The following IQSEC1 variants were observed in gnomAD, a reference collection of about 807,000 sequenced individuals.
IQSEC1 encodes the protein IQ motif and SEC7 domain-containing protein 1.
Under a neutral mutation model 91.0 loss-of-function variants are expected in IQSEC1, and 31 were observed. That is an observed-to-expected ratio of 0.34 (90% CI 0.26 to 0.46). The LOEUF is 0.46. IQSEC1 is among the 20% of genes least tolerant of loss of function. The pLI, the probability that IQSEC1 is intolerant of heterozygous loss-of-function variation, is 1.00. For synonymous variants in IQSEC1, 699 were observed against 662.6 expected (o/e 1.05, Z -0.84); for missense variants, 1,388 against 1,575.6 (o/e 0.88, Z 2.02).
chr3:12,911,539 C>T (rs1444605272), intron 10 of IQSEC1, 90 bp downstream of exon 10: 4 of 944,222 alleles, frequency 4.2e-6, no homozygotes, highest in African/African-American at 1.6e-5. Flanking sequence ...AGCGTCGAAG[C>T]CCCCCGCGGT....
intron 1 of IQSEC1, among the ~76,000 whole-genome samples, chr3:13,199,726 C>A (rs926408605): frequency 6.6e-6 from 1 of 152,130 alleles, no homozygotes; most frequent in Non-Finnish European, 1.5e-5. Context: ...GGACACCCTG[C>A]CCCCATCTGA....
chr3:13,216,928 G>A (rs1008020272), intron 1 of IQSEC1, among the ~76,000 whole-genome samples: 2 of 152,172 alleles, frequency 1.3e-5, no homozygotes, highest in African/African-American at 4.8e-5. Flanking sequence ...AATGGCATAG[G>A]ACACAGCATA....
intron 2 of IQSEC1, among the ~76,000 whole-genome samples, chr3:13,114,309 A>G (rs1426478810): frequency 1.3e-5 from 2 of 152,128 alleles, no homozygotes; most frequent in African/African-American, 4.8e-5. Flanking sequence ...ATGCCCAAGA[A>G]TTACAGGTGG....
At position 12,901,376 on chromosome 3, in the gene IQSEC1, G is replaced by T. The variant is rs1309930125; in HGVS notation, c.2952C>A (p.Ala984=). The part of the protein sequence containing the change: ...GSKRGKPPPQ[A]HLPSAPALPP... ...GCAGGGCTGGGGCTGAGGGCAGGTG[G>T]GCCTGGGGAGGGGGCTTCCCTCTCT... The change falls in exon 14 of 14, where the codon GCC becomes GCA. Residue 984 remains alanine (A), a synonymous_variant. Transcript: ENST00000613206. The T allele has an allele frequency of 6.5e-7, 1 of 1,539,740 alleles. No homozygotes were observed. Among genetic ancestry groups the T allele is most frequent in the Admixed American group, 2.0e-5 (1 of 50,856 alleles).
chr3:13,273,847 CCT>C (rs1695628572), intron 1 of IQSEC1, among the ~76,000 whole-genome samples: 1 of 152,180 alleles, frequency 6.6e-6, no homozygotes, highest in Admixed American at 6.5e-5. Context: ...TCGCCCCTGC[CCT>C]GTTTGCCTCC....
intron 12 of IQSEC1, among the ~76,000 whole-genome samples, chr3:12,903,888 G>A (rs570350663): frequency 6.6e-6 from 1 of 152,346 alleles, no homozygotes; most frequent in East Asian, 1.9e-4. Flanking sequence ...CCATATCAGA[G>A]AGAGGAACAC....
intron 1 of IQSEC1, among the ~76,000 whole-genome samples, chr3:13,276,222 G>A (rs1315222942): frequency 6.6e-6 from 1 of 151,128 alleles, no homozygotes; most frequent in African/African-American, 2.4e-5. Context: ...CCAAGTAGCT[G>A]GGACTACAGG....
chr3:13,272,456 C>T (rs1404473390), intron 1 of IQSEC1, among the ~76,000 whole-genome samples: 9 of 152,180 alleles, frequency 5.9e-5, no homozygotes, highest in Non-Finnish European at 1.3e-4. Flanking sequence ...CCTGCAGGAT[C>T]GTCTGGTGAA....
chr3:13,243,824 T>C (rs1695063908), intron 1 of IQSEC1, among the ~76,000 whole-genome samples: 1 of 152,086 alleles, frequency 6.6e-6, no homozygotes, highest in South Asian at 2.1e-4. Context: ...TGGGAAGCAG[T>C]GGAGAGCACT....
Position 12,992,463 on chromosome 3 carries a change from A to G in IQSEC1, c.24-50598T>C, listed in dbSNP as rs1051742998. Among the ~76,000 whole-genome samples the G allele has an allele frequency of 1.3e-5, 2 of 152,144 alleles. No individual in the cohort carries two copies. Among genetic ancestry groups the G allele is most frequent in the African/African-American group, 4.8e-5 (2 of 41,436 alleles). On this transcript the variant is annotated intron_variant, in intron 1 of 13. Transcript: ENST00000613206. This position sits in a 1 kb window ranked among gnomAD's most constrained non-coding sequence, Gnocchi z 4.1. ...CCTGGCCATCTTGCCAACTGTAATG[A>G]GGAGGTGGGCATCATACTGGGGGCA...
chr3:12,954,362 C>T (rs1699762890), intron 1 of IQSEC1, among the ~76,000 whole-genome samples: 1 of 152,200 alleles, frequency 6.6e-6, no homozygotes, highest in Non-Finnish European at 1.5e-5. Context: ...GCTTCAGGGG[C>T]TCGCATGGGA....
At chr3:13,120,180 A>G (rs1468599267) in intron 2 of IQSEC1, among the ~76,000 whole-genome samples, 1 of 152,016 alleles carries the variant, frequency 6.6e-6, no homozygotes, top group Non-Finnish European at 1.5e-5. Flanking sequence ...AGCAGCAATG[A>G]CCTTCCGACC....
intron 2 of IQSEC1, among the ~76,000 whole-genome samples, chr3:13,134,772 C>G (rs556845835): frequency 8.5e-5 from 13 of 152,180 alleles, no homozygotes; most frequent in Non-Finnish European, 1.8e-4. Flanking sequence ...CTACAGCTTG[C>G]AAGAGAGAAA....
chr3:12,898,959 C>T lies in IQSEC1; in HGVS notation c.*2024G>A, dbSNP rs950896167. ...GCTTCCCTGACAGCCCAGCCTGGAC[C>T]CAATCACACGGTCCCATGCTGTTTC... is the stretch of plus-strand genomic sequence containing the variant. On this transcript the variant is annotated 3_prime_UTR_variant, in exon 14 of 14. Coordinates refer to ENST00000613206, the MANE Select transcript of IQSEC1 (RefSeq NM_001134382.3). 9 of 169,824 alleles carry T rather than the reference C, an allele frequency of 5.3e-5. No individual in the cohort carries two copies. The highest frequency in any genetic ancestry group is 1.7e-4 in the African/African-American group (7 of 42,080). The allele number at this position is 169,824 out of a possible 1,614,324, so 10.5% of individuals were successfully genotyped here.
At chr3:13,043,231 G>C (rs1442333200) in intron 1 of IQSEC1, among the ~76,000 whole-genome samples, 3 of 152,162 alleles carry the variant, frequency 2.0e-5, no homozygotes, top group African/African-American at 7.2e-5. Context: ...AGGCAGAATG[G>C]GTGGCCCCAC....
chr3:12,998,686 C>T (rs1702311343), intron 1 of IQSEC1, among the ~76,000 whole-genome samples: 1 of 152,082 alleles, frequency 6.6e-6, no homozygotes, highest in African/African-American at 2.4e-5. Context: ...TATAGAATAT[C>T]TGCTGGTACC....
intron 1 of IQSEC1, among the ~76,000 whole-genome samples, chr3:13,272,211 T>G (rs1239402422): frequency 1.3e-5 from 2 of 152,162 alleles, no homozygotes; most frequent in Non-Finnish European, 2.9e-5. Context: ...CTTGCTTTGT[T>G]TTGCCTCAGT....
chr3:12,963,405 A>G (rs1307995734), intron 1 of IQSEC1, among the ~76,000 whole-genome samples: 1 of 152,284 alleles, frequency 6.6e-6, no homozygotes, highest in Non-Finnish European at 1.5e-5. Flanking sequence ...AAAGCCACAC[A>G]GGCTCTAGAA....
Position 12,904,677 on chromosome 3 carries a change from A to G in IQSEC1, c.2756-1855T>C, listed in dbSNP as rs112453819. On this transcript the variant is annotated intron_variant, in intron 12 of 13. Coordinates refer to ENST00000613206, the MANE Select transcript of IQSEC1 (RefSeq NM_001134382.3). ...GGAAATGTGGAGGGACAGAGCGCCA[A>G]TGTCTCTAGGTTTTCAAATCAGCTC... 5.2e-3 allele frequency among the ~76,000 whole-genome samples: 795 copies of G among 152,220 alleles called. 6 individuals carry two copies. The highest frequency in any genetic ancestry group is 0.018 in the African/African-American group (753 of 41,540).
Sources: gnomAD v4.1 joint callset for allele counts (sites outside exome capture counted in the v4.1 genomes callset) on GRCh38, gnomAD v4.1.1 for gene constraint, Gnocchi (gnomAD v3.1) non-coding constraint, MANE v1.5 for transcripts, NCBI Gene and HGNC (gene_info 2026-07-23, HGNC 2026-07-21) for gene names.